Variants in NBEAL2 observed in about 807,000 individuals in gnomAD.
The protein encoded by NBEAL2 is neurobeachin-like protein 2.
In NBEAL2, 160 loss-of-function variants were observed where a neutral mutation model predicts 299.8. The observed-to-expected ratio is 0.53, with a 90% confidence interval of 0.47 to 0.61. The LOEUF is 0.61. Among genes scored for constraint, NBEAL2 ranks in the 20% least tolerant of loss-of-function variants. The probability of loss-of-function intolerance (pLI) is 0.00; values close to 1 mark genes in which losing one functional copy is unlikely to be tolerated. For missense variants in NBEAL2, 3,112 were observed against 3,649.0 expected (o/e 0.85, Z 3.79); for synonymous variants, 1,493 against 1,542.3 (o/e 0.97, Z 0.75).
rs1261323814 is a variant in NBEAL2 at position 47,002,754 on chromosome 3, G to A, written c.5411G>A (p.Gly1804Glu). The A allele has an allele frequency of 6.3e-7, 1 of 1,575,614 alleles. No homozygotes were observed. ...TQHSMALLHW[G>E]ALWRQLASPC... is the part of the protein sequence containing the mutation. ...CACTCCATGGCCCTGCTGCACTGGGGGGCGCTGTGGCGCCAGCTCGCCAGC... is the reference window on the plus strand; with the variant it reads ...CACTCCATGGCCCTGCTGCACTGGGAGGCGCTGTGGCGCCAGCTCGCCAGC... The change falls in exon 33 of 54, where the codon GGG becomes GAG. Residue 1804 changes from glycine to glutamate, a missense_variant. Gly to Glu is a moderately conservative substitution (Grantham distance 98). Coordinates refer to ENST00000450053, the MANE Select transcript of NBEAL2 (RefSeq NM_015175.3).
rs745521466 is a variant in NBEAL2, at chr3:46,997,063, G to A, written c.2649+17G>A. ...GATGTGAAGGTCTGTGAGCACGTGTGGGTGGTGTGTGCAGGAGGCATGAAT... is the reference window on the plus strand; with the variant it reads ...GATGTGAAGGTCTGTGAGCACGTGTAGGTGGTGTGTGCAGGAGGCATGAAT... On this transcript the variant is annotated intron_variant, in intron 18 of 53. Transcript: ENST00000450053. 1 of 1,608,832 alleles carries A rather than the reference G, an allele frequency of 6.2e-7. No homozygotes were observed. Among genetic ancestry groups the A allele is most frequent in the Admixed American group, 1.7e-5 (1 of 59,916 alleles).
rs1306982041 is a variant in NBEAL2, at chr3:47,009,401, C to G, written c.*81C>G. On this transcript the variant is annotated 3_prime_UTR_variant, in exon 54 of 54. Coordinates refer to ENST00000450053, the MANE Select transcript of NBEAL2 (RefSeq NM_015175.3). The stretch of plus-strand genomic sequence containing the variant: ...CCCGCCCAGAAGTCGGCGGGAACAC[C>G]CCGGGGTGGGCAGCCCAGGGGGGTG... The G allele has an allele frequency of 7.3e-7, 1 of 1,369,820 alleles. No individual in the cohort carries two copies. The highest frequency in any genetic ancestry group is 1.0e-6 in the Non-Finnish European group (1 of 1,001,074). The allele number at this position is 1,369,820 out of a possible 1,614,324, so 84.9% of individuals were successfully genotyped here.
Position 47,001,583 on chromosome 3 carries a change from T to C in NBEAL2, c.4645-106T>C. 6.4e-7 allele frequency: 1 copy of C among 1,570,732 alleles called. No individual in the cohort carries two copies. Among genetic ancestry groups the C allele is most frequent in the Non-Finnish European group, 8.6e-7 (1 of 1,156,744 alleles). Reference sequence around the variant, plus strand: ...GCCTGTGAGTGTGGACTTGCCTGTGTGCACAAACCCTACCTGGCCCCCAGC... The same window carrying C: ...GCCTGTGAGTGTGGACTTGCCTGTGCGCACAAACCCTACCTGGCCCCCAGC... On this transcript the variant is annotated intron_variant, in intron 29 of 53. Coordinates refer to ENST00000450053, the MANE Select transcript of NBEAL2 (RefSeq NM_015175.3). This position sits in a 1 kb window ranked among gnomAD's most constrained non-coding sequence, Gnocchi z 6.1.
Position 47,000,122 on chromosome 3 carries a change from C to T in NBEAL2, c.4023C>T (p.Asp1341=). The change falls in exon 27 of 54, where the codon GAC becomes GAT. Residue 1341 remains aspartate, a synonymous_variant. Transcript: ENST00000450053. The surrounding 1 kb of genome is among the most constrained non-coding windows in gnomAD (Gnocchi z 4.5). ...VFLPSEAPCP[D]PDGFYHALSP... Reference sequence around the variant, plus strand: ...TGCCCTCAGAGGCCCCCTGCCCTGACCCTGATGGCTTTTACCATGCTCTCT... The same window carrying T: ...TGCCCTCAGAGGCCCCCTGCCCTGATCCTGATGGCTTTTACCATGCTCTCT... 6.2e-7 allele frequency: 1 copy of T among 1,613,764 alleles called. No homozygotes were observed. Among genetic ancestry groups the T allele is most frequent in the Non-Finnish European group, 8.5e-7 (1 of 1,179,864 alleles).
At chr3:46,997,930 G>A in intron 20 of NBEAL2, 137 bp from the exon 21 acceptor site, 1 of 1,252,874 alleles carries the variant, frequency 8.0e-7, no homozygotes. Context: ...GCGGCAGGAA[G>A]CCCCCAAAGG....
Position 46,995,079 on chromosome 3 carries a change from C to T in NBEAL2, c.1344C>T (p.Asn448=), listed in dbSNP as rs763174968. 4.1e-5 allele frequency: 64 copies of T among 1,560,938 alleles called. No homozygotes were observed. The South Asian group carries it at 5.0e-4, about 12-fold the overall frequency. The change falls in exon 13 of 54, where the codon AAC becomes AAT. Residue 448 remains asparagine, a synonymous_variant. Transcript: ENST00000450053. ...TGTGCCCACCTCCACCAATCCGCAA[C>T]GAGCAGCCGGTACTGGTGCTGGCGC... is the stretch of plus-strand genomic sequence containing the variant. ...HSMCPPPPIR[N]EQPVLVLAQW... is the part of the protein sequence containing the mutation.
Position 46,999,015 on chromosome 3 carries a change from G to A in NBEAL2, c.3441G>A (p.Glu1147=). The A allele has an allele frequency of 1.2e-6, 2 of 1,604,986 alleles. No individual in the cohort carries two copies. The highest frequency in any genetic ancestry group is 8.5e-7 in the Non-Finnish European group (1 of 1,176,112). Residue 1147 remains glutamate (E), a synonymous_variant, in exon 24 of 54, where the codon GAG becomes GAA. Transcript: ENST00000450053. ...TGCTGCACGGTTCCCTGGTGCAGGA[G>A]TCCTTGGCTGTCTTTCTGTTGGAGC... ...LALLHGSLVQ[E]SLAVFLLEPG... is the part of the protein sequence containing the mutation.
In NBEAL2 at chr3:46,982,777, C is replaced by T. The variant is rs74959420; in HGVS notation, c.51+2865C>T. Among the ~76,000 whole-genome samples, 1,283 of 152,108 alleles carry T rather than the reference C, an allele frequency of 8.4e-3. 21 individuals carry two copies. Among genetic ancestry groups the T allele is most frequent in the African/African-American group, 0.03 (1,242 of 41,482 alleles). Reference sequence around the variant, plus strand: ...AGCAGTGGGACAAGAAGCAAATTGTCAGGAGTTGGGGCAGGGCAGAGCTAG... The same window carrying T: ...AGCAGTGGGACAAGAAGCAAATTGTTAGGAGTTGGGGCAGGGCAGAGCTAG... On this transcript the variant is annotated intron_variant, in intron 1 of 53. Coordinates refer to ENST00000450053, the MANE Select transcript of NBEAL2 (RefSeq NM_015175.3). This position sits in a 1 kb window ranked among gnomAD's most constrained non-coding sequence, Gnocchi z 4.2.
chr3:46,999,269 G>C, intron 24 of NBEAL2, 46 bp from the exon 25 acceptor site: 1 of 1,572,324 alleles, frequency 6.4e-7, no homozygotes, highest in Middle Eastern at 1.7e-4. Context: ...CCCTCCTACA[G>C]TAACTCCTTC....
At position 46,989,604 on chromosome 3, in the gene NBEAL2, GCCCCTGCCCCCA is replaced by G. The variant is rs771485869; in HGVS notation, c.556+13_556+24del. On this transcript the variant is annotated intron_variant, in intron 6 of 53. Transcript: ENST00000450053. This position sits in a 1 kb window ranked among gnomAD's most constrained non-coding sequence, Gnocchi z 5.5. The stretch of plus-strand genomic sequence containing the variant: ...GCGCCTTCTTCCAAGGTCAGGCCCC[GCCCCTGCCCCCA>G]CTTGGCTCCACCCCCAAACCTAGGC... 1 of 1,572,112 alleles carries G rather than the reference GCCCCTGCCCCCA, an allele frequency of 6.4e-7. No individual in the cohort carries two copies. Among genetic ancestry groups the G allele is most frequent in the South Asian group, 1.2e-5 (1 of 85,770 alleles).
rs761640918 is a variant in NBEAL2, at chr3:46,996,997, G to A, written c.2600G>A (p.Gly867Glu). 4 of 1,613,328 alleles carry A rather than the reference G, an allele frequency of 2.5e-6. No homozygotes were observed. Among genetic ancestry groups the A allele is most frequent in the Non-Finnish European group, 3.4e-6 (4 of 1,179,848 alleles). Residue 867 changes from glycine to glutamate, a missense_variant, in exon 18 of 54, where the codon GGG becomes GAG. This residue lies in a region of NBEAL2 where 2,243 missense variants were observed against 2,538.1 expected (regional missense o/e 0.88). Coordinates refer to ENST00000450053, the MANE Select transcript of NBEAL2 (RefSeq NM_015175.3). ...TGCCTGGACCTGTCCCCCAGTCATG[G>A]GCTTGATGGGCGCCTGACGGGCCAC... ...NICLDLSPSH[G>E]LDGRLTGHRV... is the part of the protein sequence containing the mutation.
In NBEAL2 at chr3:46,998,890, G is replaced by C; in HGVS notation, c.3384+11G>C. The C allele has an allele frequency of 6.3e-7, 1 of 1,595,664 alleles. No homozygotes were observed. Among genetic ancestry groups the C allele is most frequent in the South Asian group, 1.1e-5 (1 of 87,834 alleles). The stretch of plus-strand genomic sequence containing the variant: ...GGCGATGACGGTCAGGTAGGCTGGA[G>C]GTTGGGGAGCGGGAGGCTTGGGTGA... On this transcript the variant is annotated intron_variant, in intron 23 of 53. Transcript: ENST00000450053.
rs776407354 is a variant in NBEAL2 at position 47,007,849 on chromosome 3, G to A, written c.7541G>A (p.Gly2514Asp). Residue 2514 changes from glycine to aspartate, a missense_variant, in exon 49 of 54, where the codon GGC (glycine) becomes GAC (aspartate). Coordinates refer to ENST00000450053, the MANE Select transcript of NBEAL2 (RefSeq NM_015175.3). ...VVTCLALDTC[G>D]IYLISGSRDT... is the part of the protein sequence containing the mutation. ...ACCTGCCTTGCACTGGACACCTGTG[G>A]CATCTACCTCATCTCAGGCTCCCGG... 5.6e-6 allele frequency: 9 copies of A among 1,613,644 alleles called. No homozygotes were observed. In the South Asian group the frequency reaches 9.9e-5, roughly 18 times the overall value.
Position 47,004,259 on chromosome 3 carries a change from C to A in NBEAL2, c.6064C>A (p.Pro2022Thr), listed in dbSNP as rs748813126. 117 of 1,613,560 alleles carry A rather than the reference C, an allele frequency of 7.3e-5. No individual in the cohort carries two copies. The highest frequency in any genetic ancestry group is 9.7e-5 in the Non-Finnish European group (115 of 1,179,790). The change falls in exon 37 of 54, where the codon CCT becomes ACT. Residue 2022 changes from proline to threonine, a missense_variant. This residue lies in a region of NBEAL2 where 521 missense variants were observed against 729.6 expected (regional missense o/e 0.71). Transcript: ENST00000450053. This position sits in a 1 kb window ranked among gnomAD's most constrained non-coding sequence, Gnocchi z 5.0. ...TCCTAGCCAGACTCCCAGACCCCAG[C>A]CTGGCCCCATCCCACCCCATACCCA... Reference protein sequence around the residue: ...SSPSQTPRPQPGPIPPHTQVR... With the variant: ...SSPSQTPRPQTGPIPPHTQVR...
chr3:46,988,705 T>C lies in NBEAL2; in HGVS notation c.88T>C (p.Phe30Leu), dbSNP rs781390974. ...LGYLQQWLKAFVGAFKKSISL... is the reference protein window; with the variant it reads ...LGYLQQWLKALVGAFKKSISL... ...TTACCTGCAGCAGTGGCTGAAGGCC[T>C]TTGTAGGTGCCTTCAAGAAGAGCAT... is the stretch of plus-strand genomic sequence containing the variant. The change falls in exon 2 of 54, where the codon TTT (phenylalanine) becomes CTT (leucine). Residue 30 changes from phenylalanine (F) to leucine (L), a missense_variant. This residue lies in a region of NBEAL2 where 2,243 missense variants were observed against 2,538.1 expected (regional missense o/e 0.88). Coordinates refer to ENST00000450053, the MANE Select transcript of NBEAL2 (RefSeq NM_015175.3). This position sits in a 1 kb window ranked among gnomAD's most constrained non-coding sequence, Gnocchi z 4.4. 81 of 1,613,788 alleles carry C rather than the reference T, an allele frequency of 5.0e-5. No homozygotes were observed. The highest frequency in any genetic ancestry group is 6.6e-5 in the Non-Finnish European group (78 of 1,179,826).
chr3:46,990,581 C>T (rs936505685), intron 6 of NBEAL2, among the ~76,000 whole-genome samples: 7 of 152,224 alleles, frequency 4.6e-5, no homozygotes, highest in South Asian at 4.1e-4. Flanking sequence ...CCCATCCAGC[C>T]GGAATCAAGC....
In NBEAL2 at chr3:46,979,738, G is replaced by A. The variant is rs1341550801; in HGVS notation, c.-124G>A. 1 of 319,302 alleles carries A rather than the reference G, an allele frequency of 3.1e-6. No individual in the cohort carries two copies. Among genetic ancestry groups the A allele is most frequent in the Non-Finnish European group, 5.7e-6 (1 of 174,698 alleles). The allele number at this position is 319,302 out of a possible 1,614,324, so 19.8% of individuals were successfully genotyped here. ...GCCACAGCCGCAGACTTCCCCAGTA[G>A]TACCGCGCCGCTCCGCCCCGGAGTG... On this transcript the variant is annotated 5_prime_UTR_variant, in exon 1 of 54. Coordinates refer to ENST00000450053, the MANE Select transcript of NBEAL2 (RefSeq NM_015175.3).
intron 1 of NBEAL2, among the ~76,000 whole-genome samples, chr3:46,984,457 A>G (rs907671582): frequency 3.9e-5 from 6 of 152,148 alleles, no homozygotes; most frequent in African/African-American, 7.2e-5. Context: ...CACTCAAACC[A>G]CTATCCTCAG....
chr3:47,007,061 T>C lies in NBEAL2; in HGVS notation c.7135-5T>C. ...GCATAGCTAGGCCTGCCCTTGCCCCTGCAGGTTGTCAGTGATGGTGTACCC... is the reference window on the plus strand; with the variant it reads ...GCATAGCTAGGCCTGCCCTTGCCCCCGCAGGTTGTCAGTGATGGTGTACCC... On this transcript the variant is annotated splice_polypyrimidine_tract_variant and splice_region_variant and intron_variant, in intron 45 of 53. Coordinates refer to ENST00000450053, the MANE Select transcript of NBEAL2 (RefSeq NM_015175.3). 8 of 1,608,330 alleles carry C rather than the reference T, an allele frequency of 5.0e-6. No homozygotes were observed. Among genetic ancestry groups the C allele is most frequent in the Non-Finnish European group, 6.8e-6 (8 of 1,176,792 alleles).
Sources: gnomAD v4.1 joint callset for allele counts (sites outside exome capture counted in the v4.1 genomes callset) on GRCh38, gnomAD v4.1.1 for gene constraint, gnomAD v4.1.1 regional missense constraint, Gnocchi (gnomAD v3.1) non-coding constraint, MANE v1.5 for transcripts, NCBI Gene and HGNC (gene_info 2026-07-23, HGNC 2026-07-21) for gene names.